The following CFHR4 variants were observed in gnomAD, a reference collection of about 807,000 sequenced individuals.
The protein encoded by CFHR4 is complement factor H-related protein 4.
CFHR4 carries 64 observed loss-of-function variants against 69.3 expected under a neutral mutation model. That is an observed-to-expected ratio of 0.92 (90% CI 0.76 to 1.14). CFHR4 has a LOEUF of 1.14. Among genes scored for constraint, CFHR4 ranks in the 50% most tolerant of loss-of-function variants. CFHR4 has a pLI of 0.00. For synonymous variants in CFHR4, 244 were observed against 237.0 expected (o/e 1.03, Z -0.27); for missense variants, 636 against 684.9 (o/e 0.93, Z 0.80).
chr1:196,901,738 T>C (rs1429815296), intron 1 of CFHR4, among the ~76,000 whole-genome samples: 1 of 151,352 alleles, frequency 6.6e-6, no homozygotes, highest in Non-Finnish European at 1.5e-5. Context: ...CTCAATAAAC[T>C]GTAAATATAC....
Position 196,910,301 on chromosome 1 carries a change from C to T in CFHR4, c.820C>T (p.Pro274Ser). ...RCISMKPCEF[P>S]EIQHGHLYYE... ...ACAAGCAATGAAACCTTGTGAGTTTCCAGAAATTCAACATGGACATCTATA... is the reference window on the plus strand; with the variant it reads ...ACAAGCAATGAAACCTTGTGAGTTTTCAGAAATTCAACATGGACATCTATA... The change falls in exon 6 of 10, where the codon CCA (proline) becomes TCA (serine). Residue 274 changes from proline (P) to serine (S), a missense_variant. Pro to Ser is a moderately conservative substitution (Grantham distance 74). This residue lies in a region of CFHR4 where 529 missense variants were observed against 533.2 expected (regional missense o/e 0.99). Transcript: ENST00000608469. 1 of 1,595,674 alleles carries T rather than the reference C, an allele frequency of 6.3e-7. No homozygotes were observed. Among genetic ancestry groups the T allele is most frequent in the Non-Finnish European group, 8.5e-7 (1 of 1,169,938 alleles).
chr1:196,906,005 C>G (rs557352854), intron 3 of CFHR4, among the ~76,000 whole-genome samples: 2 of 151,430 alleles, frequency 1.3e-5, no homozygotes, highest in Non-Finnish European at 1.5e-5. Flanking sequence ...TGTCTTTCCT[C>G]TTTAGGCATT....
chr1:196,888,685 C>T lies in CFHR4; in HGVS notation c.58+477C>T, dbSNP rs916521452. Among the ~76,000 whole-genome samples, 7 of 150,914 alleles carry T rather than the reference C, an allele frequency of 4.6e-5. 1 individual carries two copies. The highest frequency in any genetic ancestry group is 1.7e-4 in the African/African-American group (7 of 40,912). ...GCCATTTCTTATATTTCTATTATACCTTAAGAAAGCTGCTACATCTAATTA... is the reference window on the plus strand; with the variant it reads ...GCCATTTCTTATATTTCTATTATACTTTAAGAAAGCTGCTACATCTAATTA... On this transcript the variant is annotated intron_variant, in intron 1 of 9. Coordinates refer to ENST00000608469, the MANE Select transcript of CFHR4 (RefSeq NM_001201550.3).
intron 7 of CFHR4, among the ~76,000 whole-genome samples, chr1:196,913,729 A>T (rs1001976752): frequency 3.3e-5 from 5 of 151,282 alleles, no homozygotes; most frequent in Non-Finnish European, 5.9e-5. Flanking sequence ...CCACTTCATT[A>T]TCAAGGGTAC....
chr1:196,893,316 G>T (rs1657128817), intron 1 of CFHR4, among the ~76,000 whole-genome samples: 1 of 151,648 alleles, frequency 6.6e-6, no homozygotes, highest in South Asian at 2.1e-4. Context: ...GTCACAGTCA[G>T]TGAAGCAGGT....
At position 196,900,525 on chromosome 1, in the gene CFHR4, C is replaced by G. The variant is rs1206027397; in HGVS notation, c.59-1893C>G. On this transcript the variant is annotated intron_variant, in intron 1 of 9. Transcript: ENST00000608469. ...TTATTTACATTCTATGAAACACCATCATGAGATAGATAACTATACTTGTTC... is the reference window on the plus strand; with the variant it reads ...TTATTTACATTCTATGAAACACCATGATGAGATAGATAACTATACTTGTTC... Among the ~76,000 whole-genome samples, 5 of 151,146 alleles carry G rather than the reference C, an allele frequency of 3.3e-5. 2 individuals carry two copies. Among genetic ancestry groups the G allele is most frequent in the East Asian group, 1.9e-4 (1 of 5,142 alleles).
chr1:196,897,986 T>C (rs1048892307), intron 1 of CFHR4, among the ~76,000 whole-genome samples: 13 of 151,530 alleles, frequency 8.6e-5, no homozygotes, highest in African/African-American at 3.2e-4. Flanking sequence ...GAAAGACTTC[T>C]GTGTGGAATA....
At chr1:196,900,767 TC>T (rs1657559827) in intron 1 of CFHR4, among the ~76,000 whole-genome samples, 1 of 151,122 alleles carries the variant, frequency 6.6e-6, no homozygotes, top group Non-Finnish European at 1.5e-5. Context: ...CAAACAGTGG[TC>T]GGGGGGAAAC....
intron 1 of CFHR4, among the ~76,000 whole-genome samples, chr1:196,897,543 G>A (rs935842170): frequency 2.0e-5 from 3 of 151,324 alleles, no homozygotes; most frequent in Admixed American, 1.3e-4. Flanking sequence ...GAGTGATGGC[G>A]GTGGTTCTCA....
At chr1:196,913,448 G>C (rs1296185027) in intron 7 of CFHR4, among the ~76,000 whole-genome samples, 1 of 151,326 alleles carries the variant, frequency 6.6e-6, no homozygotes, top group Non-Finnish European at 1.5e-5. Flanking sequence ...TTACTACAGA[G>C]AAAACAAGTA....
In CFHR4 at chr1:196,902,491, T is replaced by C; in HGVS notation, c.132T>C (p.Phe44=). 1 of 1,611,970 alleles carries C rather than the reference T, an allele frequency of 6.2e-7. No homozygotes were observed. The highest frequency in any genetic ancestry group is 8.5e-7 in the Non-Finnish European group (1 of 1,178,852). The stretch of plus-strand genomic sequence containing the variant: ...ATAAGAGTTTGCGTAGACTATACTT[T>C]CCAGCAGCTGCAGGACAATCTTATT... ...LYYKSLRRLY[F]PAAAGQSYSY... The change falls in exon 2 of 10, where the codon TTT becomes TTC. Residue 44 remains phenylalanine (F), a synonymous_variant. Transcript: ENST00000608469.
chr1:196,901,886 A>G (rs796356526), intron 1 of CFHR4, among the ~76,000 whole-genome samples: 31 of 151,660 alleles, frequency 2.0e-4, no homozygotes, highest in African/African-American at 7.3e-4. Context: ...GGTTAAATAA[A>G]GGATAGAAAT....
Position 196,900,181 on chromosome 1 carries a change from G to A in CFHR4, c.59-2237G>A, listed in dbSNP as rs746512079. Among the ~76,000 whole-genome samples, 23 of 151,328 alleles carry A rather than the reference G, an allele frequency of 1.5e-4. 1 individual carries two copies. Among genetic ancestry groups the A allele is most frequent in the Non-Finnish European group, 4.4e-5 (3 of 67,936 alleles). Reference sequence around the variant, plus strand: ...AGTGAGTATTTTAATCAACGTTAAGGTCAGTTTGAGTTAACATTGTGATAG... The same window carrying A: ...AGTGAGTATTTTAATCAACGTTAAGATCAGTTTGAGTTAACATTGTGATAG... On this transcript the variant is annotated intron_variant, in intron 1 of 9. Coordinates refer to ENST00000608469, the MANE Select transcript of CFHR4 (RefSeq NM_001201550.3).
At position 196,918,622 on chromosome 1, in the gene CFHR4, C is replaced by T. The variant is rs962337330; in HGVS notation, c.*216C>T. ...CTTGTACTAAAATAATAAAAACTAC[C>T]CTTATATTGGACTTCCTATCAATGA... On this transcript the variant is annotated 3_prime_UTR_variant, in exon 10 of 10. Coordinates refer to ENST00000608469, the MANE Select transcript of CFHR4 (RefSeq NM_001201550.3). The T allele has an allele frequency of 2.9e-5, 14 of 479,632 alleles. No homozygotes were observed. The highest frequency in any genetic ancestry group is 8.3e-5 in the East Asian group (2 of 23,974). The allele number at this position is 479,632 out of a possible 1,614,324, so 29.7% of individuals were successfully genotyped here. A position where few individuals can be genotyped will look rare whatever the true frequency, so the allele number is the denominator to read the frequency against.
In CFHR4 at chr1:196,905,627, C is replaced by T. The variant is rs1009550308; in HGVS notation, c.439+337C>T. ...TGTTCTTTTCCCTTTCTTTGTATTT[C>T]AAAATTATCAACTGCTTGTATTGTA... On this transcript the variant is annotated intron_variant, in intron 3 of 9. Transcript: ENST00000608469. Among the ~76,000 whole-genome samples the T allele has an allele frequency of 5.3e-5, 8 of 151,366 alleles. 1 individual carries two copies. The highest frequency in any genetic ancestry group is 1.9e-4 in the African/African-American group (8 of 41,066).
chr1:196,902,446 T>G lies in CFHR4; in HGVS notation c.87T>G (p.Ile29Met), dbSNP rs1200465221. The G allele has an allele frequency of 6.2e-7, 1 of 1,608,714 alleles. No individual in the cohort carries two copies. The highest frequency in any genetic ancestry group is 8.5e-7 in the Non-Finnish European group (1 of 1,177,826). ...QEVKPCDFPE[I>M]QHGGLYYKSL... Reference sequence around the variant, plus strand: ...TGAAACCTTGTGATTTTCCAGAAATTCAACATGGAGGTCTATATTATAAGA... The same window carrying G: ...TGAAACCTTGTGATTTTCCAGAAATGCAACATGGAGGTCTATATTATAAGA... The change falls in exon 2 of 10, where the codon ATT becomes ATG. Residue 29 changes from isoleucine to methionine, a missense_variant. Around this residue, in one of 3 missense-constraint regions of CFHR4, gnomAD observed 529 missense variants for 533.2 expected, o/e 0.99. Coordinates refer to ENST00000608469, the MANE Select transcript of CFHR4 (RefSeq NM_001201550.3).
chr1:196,906,743 G>C, intron 3 of CFHR4, 118 bp from the exon 4 acceptor site: 1 of 1,032,298 alleles, frequency 9.7e-7, no homozygotes, highest in East Asian at 2.8e-5. Flanking sequence ...ATTTTTAATA[G>C]TACTCAATTT....
rs146529225 is a variant in CFHR4 at position 196,907,127 on chromosome 1, T to C, written c.616+90T>C. 3.6e-4 allele frequency: 458 copies of C among 1,268,736 alleles called. 8 individuals are homozygous for C. The African/African-American group carries it at 5.4e-3, about 15-fold the overall frequency. The allele number at this position is 1,268,736 out of a possible 1,614,324, so 78.6% of individuals were successfully genotyped here. ...ATGTACACATATGTGTATGAATACA[T>C]ATGTGTACATATACATGTAGTCCTC... On this transcript the variant is annotated intron_variant, in intron 4 of 9. Coordinates refer to ENST00000608469, the MANE Select transcript of CFHR4 (RefSeq NM_001201550.3).
At chr1:196,889,329 C>T (rs1254031822) in intron 1 of CFHR4, among the ~76,000 whole-genome samples, 1 of 151,406 alleles carries the variant, frequency 6.6e-6, no homozygotes, top group African/African-American at 2.4e-5. Context: ...TTGTTATTCC[C>T]TTTGTTAACT....
Sources: gnomAD v4.1 joint callset for allele counts (sites outside exome capture counted in the v4.1 genomes callset) on GRCh38, gnomAD v4.1.1 for gene constraint, gnomAD v4.1.1 regional missense constraint, MANE v1.5 for transcripts, NCBI Gene and HGNC (gene_info 2026-07-23, HGNC 2026-07-21) for gene names.